ODAD3: variants seen among roughly 807,000 people sequenced by gnomAD.
ODAD3 encodes the protein outer dynein arm docking complex subunit 3, also known as outer dynein arm-docking complex subunit 3.
In ODAD3, 57 loss-of-function variants were observed where a neutral mutation model predicts 70.9. The ratio of observed to expected loss-of-function variants is 0.80; its 90% CI spans 0.65 to 1.00. ODAD3 has a LOEUF of 1.00. Among genes scored for constraint, ODAD3 ranks in the 50% least tolerant of loss-of-function variants. The probability of loss-of-function intolerance (pLI) is 0.00; values close to 1 mark genes in which losing one functional copy is unlikely to be tolerated. For missense variants in ODAD3, 797 were observed against 763.9 expected (o/e 1.04, Z -0.51); for synonymous variants, 327 against 315.9 (o/e 1.04, Z -0.37).
chr19:11,422,774 G>A lies in ODAD3; in HGVS notation c.1204C>T (p.Leu402=), dbSNP rs778844818. The A allele has an allele frequency of 1.5e-5, 24 of 1,611,772 alleles. No homozygotes were observed. Among genetic ancestry groups the A allele is most frequent in the Non-Finnish European group, 1.9e-5 (22 of 1,179,926 alleles). ...KSENEQTLVR[L]KQEKQQLQRE... ...TGCAGTTGTTGCTTCTCCTGCTTCAGCCTCACCAACGTCTGCTCGTTCTCG... is the reference window on the plus strand; with the variant it reads ...TGCAGTTGTTGCTTCTCCTGCTTCAACCTCACCAACGTCTGCTCGTTCTCG... Residue 402 remains leucine (L), a synonymous_variant, in exon 9 of 13, where the codon CTG becomes TTG. Coordinates refer to ENST00000356392, the MANE Select transcript of ODAD3 (RefSeq NM_145045.5). The surrounding 1 kb of genome is among the most constrained non-coding windows in gnomAD (Gnocchi z 4.6).
At position 11,426,983 on chromosome 19, in the gene ODAD3, G is replaced by C. The variant is rs753021134; in HGVS notation, c.502C>G (p.Arg168Gly). 1.2e-6 allele frequency: 2 copies of C among 1,605,934 alleles called. No homozygotes were observed. Among genetic ancestry groups the C allele is most frequent in the Non-Finnish European group, 1.7e-6 (2 of 1,179,356 alleles). Residue 168 changes from arginine to glycine, a missense_variant, in exon 4 of 13, where the codon CGG (arginine) becomes GGG (glycine). Coordinates refer to ENST00000356392, the MANE Select transcript of ODAD3 (RefSeq NM_145045.5). ...CTCTGCCGCAACACCACCTGGTGCC[G>C]CAGGGCGTTCTGCTGCTTCACCTTC... ...REKVKQQNAL[R>G]HQVVLRQRRL...
intron 7 of ODAD3, among the ~76,000 whole-genome samples, chr19:11,425,302 T>TAC (rs1969301281): frequency 7.6e-6 from 1 of 130,734 alleles, no homozygotes; most frequent in African/African-American, 3.1e-5. Context: ...TGTATATATG[T>TAC]GTATGTGTAC....
In ODAD3 at chr19:11,422,653, G is replaced by A. The variant is rs1419541925; in HGVS notation, c.1278-26C>T. ...CTGCAGGGAGCCGGGAGGTCACCCCGGGGGCTCAGCCCGCCCCGCCGCCCT... is the reference window on the plus strand; with the variant it reads ...CTGCAGGGAGCCGGGAGGTCACCCCAGGGGCTCAGCCCGCCCCGCCGCCCT... On this transcript the variant is annotated intron_variant, in intron 9 of 12. Transcript: ENST00000356392. The surrounding 1 kb of genome is among the most constrained non-coding windows in gnomAD (Gnocchi z 4.6). The A allele has an allele frequency of 1.9e-6, 3 of 1,604,540 alleles. No homozygotes were observed. Among genetic ancestry groups the A allele is most frequent in the Admixed American group, 1.7e-5 (1 of 59,636 alleles).
At chr19:11,423,725 T>C (rs1969195603) in intron 8 of ODAD3, 152 bp downstream of exon 8, 1 of 729,816 alleles carries the variant, frequency 1.4e-6, no homozygotes, top group African/African-American at 1.8e-5. Flanking sequence ...GGGGAAGGGA[T>C]GTTTTTCAAG....
At chr19:11,425,640 T>TGC (rs1252205544) in intron 7 of ODAD3, among the ~76,000 whole-genome samples, 2 of 133,448 alleles carry the variant, frequency 1.5e-5, no homozygotes, top group African/African-American at 7.3e-5. Flanking sequence ...TATGTATATA[T>TGC]ATGTATATAC....
In ODAD3 at chr19:11,426,800, G is replaced by A; in HGVS notation, c.613-16C>T. 6.2e-7 allele frequency: 1 copy of A among 1,613,690 alleles called. No homozygotes were observed. Among genetic ancestry groups the A allele is most frequent in the Non-Finnish European group, 8.5e-7 (1 of 1,179,870 alleles). ...TCCGCATGGTCTGGAGAGCAGCAGG[G>A]CTGGGCTGAGGGCCCTCCGCACTCA... On this transcript the variant is annotated splice_polypyrimidine_tract_variant and intron_variant, in intron 4 of 12. Coordinates refer to ENST00000356392, the MANE Select transcript of ODAD3 (RefSeq NM_145045.5).
At chr19:11,429,829 C>T (rs1238723701) in intron 3 of ODAD3, among the ~76,000 whole-genome samples, 7 of 151,208 alleles carry the variant, frequency 4.6e-5, no homozygotes, top group Middle Eastern at 3.4e-3. Flanking sequence ...TGAGCCACCG[C>T]GCCCAGCCTT....
At chr19:11,421,079 C>T in intron 12 of ODAD3, 49 bp downstream of exon 12, 2 of 1,604,012 alleles carry the variant, frequency 1.2e-6, no homozygotes, top group Non-Finnish European at 1.7e-6. Context: ...CTCCTGCTAC[C>T]CAGCTTGGGG....
At chr19:11,434,727 G>C in intron 1 of ODAD3, 46 bp downstream of exon 1, 1 of 1,558,158 alleles carries the variant, frequency 6.4e-7, no homozygotes, top group Middle Eastern at 1.7e-4. Context: ...AGATTGGATG[G>C]GCACTGTTGA....
Position 11,420,836 on chromosome 19 carries a change from T to C in ODAD3, c.1787A>G (p.Ter596TrpextTer57), listed in dbSNP as rs371537276. Residue 596 changes from the stop codon to tryptophan, a stop_lost, in exon 13 of 13, where the codon TAG (stop) becomes TGG (tryptophan). Coordinates refer to ENST00000356392, the MANE Select transcript of ODAD3 (RefSeq NM_145045.5). ...HKKHRRSRRS[*>W] ...CGCCTGGTGGGTGTCAGGACGAGTC[T>C]AGGACCTCCGAGAGCGACGGTGCTT... 6.2e-7 allele frequency: 1 copy of C among 1,613,360 alleles called. No individual in the cohort carries two copies. The highest frequency in any genetic ancestry group is 8.5e-7 in the Non-Finnish European group (1 of 1,179,518).
At chr19:11,421,274 C>A in intron 11 of ODAD3, 62 bp from the exon 12 acceptor site, 1 of 1,452,854 alleles carries the variant, frequency 6.9e-7, no homozygotes, top group Admixed American at 2.0e-5. Flanking sequence ...CGAGAAGTCA[C>A]GTTCCCCCTC....
intron 7 of ODAD3, among the ~76,000 whole-genome samples, chr19:11,424,511 A>ATG (rs1260053598): frequency 3.6e-5 from 5 of 140,258 alleles, no homozygotes; most frequent in Admixed American, 7.0e-5. Flanking sequence ...ATATGTATAT[A>ATG]TGTATATATA....
Position 11,432,793 on chromosome 19 carries a change from A to G in ODAD3, c.245-1773T>C, listed in dbSNP as rs1599468419. Among the ~76,000 whole-genome samples the G allele has an allele frequency of 2.6e-5, 4 of 151,548 alleles. No individual in the cohort carries two copies. In the South Asian group the frequency reaches 8.3e-4, roughly 32 times the overall value. ...TTAAGGTCACAAGCAACCATGCAAG[A>G]TTACCCTTTTTTTTTTTTAAGACGG... On this transcript the variant is annotated intron_variant, in intron 1 of 12. Transcript: ENST00000356392.
At chr19:11,428,133 G>A (rs1331960593) in intron 3 of ODAD3, among the ~76,000 whole-genome samples, 2 of 151,218 alleles carry the variant, frequency 1.3e-5, no homozygotes, top group African/African-American at 2.4e-5. Flanking sequence ...GCAGGGTCTC[G>A]CTATGTGGCT....
At chr19:11,429,936 C>T (rs932200075) in intron 3 of ODAD3, among the ~76,000 whole-genome samples, 2 of 150,486 alleles carry the variant, frequency 1.3e-5, no homozygotes, top group Non-Finnish European at 3.0e-5. Context: ...CTTCTAGGCT[C>T]ATGCAATCCT....
In ODAD3 at chr19:11,431,022, T is replaced by C. The variant is rs1213821736; in HGVS notation, c.245-2A>G. ...CAAAAAAAGCCTTCCGGTCACCCTC[T>C]GGCAGGCAGGTGAGGTGGACAGACA... On this transcript the variant is annotated splice_acceptor_variant, in intron 1 of 12. Transcript: ENST00000356392. LOFTEE classifies it high-confidence loss of function. 6.2e-7 allele frequency: 1 copy of C among 1,613,922 alleles called. No individual in the cohort carries two copies. Among genetic ancestry groups the C allele is most frequent in the Admixed American group, 1.7e-5 (1 of 59,994 alleles).
intron 7 of ODAD3, 57 bp from the exon 8 acceptor site, chr19:11,424,086 A>G: frequency 6.4e-7 from 1 of 1,566,324 alleles, no homozygotes. Flanking sequence ...CTTGGGAAGG[A>G]GGCCGGGGAG....
chr19:11,426,164 TC>T lies in ODAD3; in HGVS notation c.942del (p.Asn315ThrfsTer43). Reference sequence around the variant, plus strand: ...CCCACCTTGCGCTCCATGCGCTCGTTCTCCAGTTTCTTCTCCTCGGCGCGCT... The same window carrying T: ...CCCACCTTGCGCTCCATGCGCTCGTTTCCAGTTTCTTCTCCTCGGCGCGCT... Reference protein sequence around the residue: ...CKKRAEEKKLENERMERKTHR... With the variant: ...CKKRAEEKKLXNERMERKTHR... On this transcript the variant is annotated frameshift_variant, in exon 7 of 13. Transcript: ENST00000356392. LOFTEE classifies it high-confidence loss of function. 1 of 1,611,874 alleles carries T rather than the reference TC, an allele frequency of 6.2e-7. No individual in the cohort carries two copies. Among genetic ancestry groups the T allele is most frequent in the Non-Finnish European group, 8.5e-7 (1 of 1,179,572 alleles).
chr19:11,431,926 G>T (rs1599467803), intron 1 of ODAD3, among the ~76,000 whole-genome samples: 1 of 140,880 alleles, frequency 7.1e-6, no homozygotes. Context: ...CTGGGTGACA[G>T]AGCGAGACTC....
Sources: gnomAD v4.1 joint callset for allele counts (sites outside exome capture counted in the v4.1 genomes callset) on GRCh38, gnomAD v4.1.1 for gene constraint, Gnocchi (gnomAD v3.1) non-coding constraint, MANE v1.5 for transcripts, NCBI Gene and HGNC (gene_info 2026-07-23, HGNC 2026-07-21) for gene names.